Variants in LIMCH1 observed in about 807,000 individuals in gnomAD.
LIMCH1 encodes LIM and calponin homology domains-containing protein 1.
LIMCH1 carries 113 observed loss-of-function variants against 176.5 expected under a neutral mutation model. The ratio of observed to expected loss-of-function variants is 0.64; its 90% CI spans 0.55 to 0.75. The LOEUF (loss-of-function observed/expected upper bound fraction) is 0.75, where lower values mean the gene tolerates loss of function less well. LIMCH1 is among the 30% of genes least tolerant of loss of function. The probability of loss-of-function intolerance (pLI) is 0.00; values close to 1 mark genes in which losing one functional copy is unlikely to be tolerated. For synonymous variants in LIMCH1, 619 were observed against 645.9 expected (o/e 0.96, Z 0.63); for missense variants, 1,674 against 1,814.9 (o/e 0.92, Z 1.41).
chr4:41,651,660 A>G (rs1002115775), intron 18 of LIMCH1, among the ~76,000 whole-genome samples: 58 of 152,290 alleles, frequency 3.8e-4, no homozygotes, highest in African/African-American at 1.4e-3. Flanking sequence ...GTGCTATCAG[A>G]ATCTAGCTTT....
intron 1 of LIMCH1, among the ~76,000 whole-genome samples, chr4:41,395,835 A>G (rs554988936): frequency 3.3e-5 from 5 of 152,312 alleles, no homozygotes; most frequent in Admixed American, 1.3e-4. Flanking sequence ...GAGGGTAAAG[A>G]CAAAAAAGAG....
At chr4:41,681,796 C>A (rs1716151014) in intron 25 of LIMCH1, among the ~76,000 whole-genome samples, 1 of 152,070 alleles carries the variant, frequency 6.6e-6, no homozygotes, top group Non-Finnish European at 1.5e-5. Context: ...TGCATATGTA[C>A]CCCAAAACTT....
At chr4:41,667,411 C>T (rs533312129) in intron 21 of LIMCH1, among the ~76,000 whole-genome samples, 9 of 149,960 alleles carry the variant, frequency 6.0e-5, no homozygotes, top group Non-Finnish European at 1.0e-4. Flanking sequence ...ATATGAGAAA[C>T]GTGTGTGTGT....
chr4:41,552,642 C>T (rs2080629868), intron 1 of LIMCH1, among the ~76,000 whole-genome samples: 1 of 152,146 alleles, frequency 6.6e-6, no homozygotes, highest in South Asian at 2.1e-4. Flanking sequence ...ATTCAAATTA[C>T]CCTGCCACTA....
At chr4:41,657,901 C>T (rs887438667) in intron 18 of LIMCH1, among the ~76,000 whole-genome samples, 1 of 151,912 alleles carries the variant, frequency 6.6e-6, no homozygotes, top group African/African-American at 2.4e-5. Flanking sequence ...TAATCTTTTG[C>T]AGAATAAATG....
At chr4:41,553,136 G>A (rs181208683) in intron 1 of LIMCH1, among the ~76,000 whole-genome samples, 10 of 152,216 alleles carry the variant, frequency 6.6e-5, no homozygotes, top group Admixed American at 4.6e-4. Context: ...GAGATCTCTC[G>A]CAGTGATGGG....
chr4:41,406,967 G>A (rs954496378), intron 1 of LIMCH1, among the ~76,000 whole-genome samples: 13 of 152,134 alleles, frequency 8.5e-5, no homozygotes, highest in Middle Eastern at 3.2e-3. Flanking sequence ...TTGAGAGCAC[G>A]GGTACGAGTG....
intron 1 of LIMCH1, among the ~76,000 whole-genome samples, chr4:41,460,458 C>CCATATATATATATATATA (rs1554057132): frequency 1.1e-4 from 12 of 110,544 alleles, no homozygotes; most frequent in African/African-American, 4.8e-4. Flanking sequence ...TAGTAATCAT[C>CCATATATATATATATATA]TATATATATA....
upstream of LIMCH1, among the ~76,000 whole-genome samples, chr4:41,537,483 T>C (rs1308082250): frequency 6.6e-6 from 1 of 152,200 alleles, no homozygotes; most frequent in Non-Finnish European, 1.5e-5. Context: ...AACACATTAA[T>C]CTCCCAGCAG....
At chr4:41,633,269 G>A (rs2093419911) in intron 12 of LIMCH1, among the ~76,000 whole-genome samples, 184 bp downstream of exon 12, 1 of 152,186 alleles carries the variant, frequency 6.6e-6, no homozygotes, top group Non-Finnish European at 1.5e-5. Flanking sequence ...CCCGCTCTGG[G>A]TAGATATTTT....
intron 1 of LIMCH1, among the ~76,000 whole-genome samples, chr4:41,464,040 C>G (rs2065758165): frequency 6.6e-6 from 1 of 151,908 alleles, no homozygotes; most frequent in South Asian, 2.1e-4. Context: ...TTTTGAAACC[C>G]AAATCTTATT....
At chr4:41,650,824 G>A (rs2094263570) in intron 18 of LIMCH1, among the ~76,000 whole-genome samples, 1 of 152,074 alleles carries the variant, frequency 6.6e-6, no homozygotes, top group South Asian at 2.1e-4. Flanking sequence ...GGTGTTGGCA[G>A]GGTTGGCTCC....
At chr4:41,471,336 A>G (rs983345706) in intron 1 of LIMCH1, among the ~76,000 whole-genome samples, 7 of 152,184 alleles carry the variant, frequency 4.6e-5, no homozygotes, top group African/African-American at 1.7e-4. Context: ...CTCACCTTGA[A>G]CTGATTTTAA....
Position 41,549,741 on chromosome 4 carries a change from T to C in LIMCH1, c.-241+11391T>C, listed in dbSNP as rs567234343. On this transcript the variant is annotated intron_variant, in intron 1 of 31. Transcript: ENST00000503057. ...TGGGTTAGTGATAAGCAAAGTATAG[T>C]ACATTTTAAAAAGAAGGATACTTTT... Among the ~76,000 whole-genome samples, 4 of 152,254 alleles carry C rather than the reference T, an allele frequency of 2.6e-5. No individual in the cohort carries two copies. In the South Asian group the frequency reaches 8.3e-4, roughly 32 times the overall value.
At chr4:41,680,424 T>C (rs1714767896) in intron 24 of LIMCH1, among the ~76,000 whole-genome samples, 1 of 152,196 alleles carries the variant, frequency 6.6e-6, no homozygotes, top group Admixed American at 6.5e-5. Context: ...ATTTGTGTGT[T>C]TGTTGTTTGG....
intron 3 of LIMCH1, among the ~76,000 whole-genome samples, chr4:41,526,509 A>G (rs1378231798): frequency 1.3e-5 from 2 of 152,058 alleles, no homozygotes; most frequent in Non-Finnish European, 2.9e-5. Context: ...CCTGGTGGGA[A>G]ACAGATCGCC....
At chr4:41,454,940 A>ATGTGTGTG (rs761501125) in intron 1 of LIMCH1, among the ~76,000 whole-genome samples, 45 of 131,352 alleles carry the variant, frequency 3.4e-4, no homozygotes, top group African/African-American at 7.0e-4. Flanking sequence ...GTATGCGTAC[A>ATGTGTGTG]TGTGTGTGTG....
chr4:41,605,991 C>G lies in LIMCH1; in HGVS notation c.-5C>G. ...CTGAAGGAGTTTGAAGGATTGTTGG[C>G]TCAGATGCGAAAGGTAACTTGGCTT... On this transcript the variant is annotated 5_prime_UTR_variant, in exon 4 of 32. Coordinates refer to ENST00000503057, the MANE Select transcript of LIMCH1 (RefSeq NM_001330672.2). The G allele has an allele frequency of 6.2e-7, 1 of 1,612,352 alleles. No homozygotes were observed. Among genetic ancestry groups the G allele is most frequent in the Non-Finnish European group, 8.5e-7 (1 of 1,178,554 alleles).
Position 41,685,842 on chromosome 4 carries a change from G to A in LIMCH1, c.4088+12G>A. The A allele has an allele frequency of 6.2e-7, 1 of 1,609,442 alleles. No individual in the cohort carries two copies. The highest frequency in any genetic ancestry group is 8.5e-7 in the Non-Finnish European group (1 of 1,178,286). On this transcript the variant is annotated intron_variant, in intron 28 of 31. Coordinates refer to ENST00000503057, the MANE Select transcript of LIMCH1 (RefSeq NM_001330672.2). ...AGTGAAAGGCGGAAGTGAGTAACCA[G>A]ACACGATGGTTGTGGGATTCCCTTT...
Sources: allele counts gnomAD v4.1 joint callset (sites outside exome capture counted in the v4.1 genomes callset), GRCh38; gene constraint gnomAD v4.1.1; transcripts MANE v1.5; gene names NCBI Gene and HGNC (gene_info 2026-07-23, HGNC 2026-07-21).